Variants in THBS2 observed in about 807,000 individuals in gnomAD.
THBS2 encodes the protein thrombospondin 2.
A neutral mutation model predicts 135.2 loss-of-function variants in THBS2; 47 were observed. That is an observed-to-expected ratio of 0.35 (90% confidence interval 0.28 to 0.44). The LOEUF (loss-of-function observed/expected upper bound fraction) is 0.44, where lower values mean the gene tolerates loss of function less well. Among genes scored for constraint, THBS2 ranks in the 20% least tolerant of loss-of-function variants. The pLI is 1.00. For synonymous variants in THBS2, 639 were observed against 633.8 expected (o/e 1.01, Z -0.12); for missense variants, 1,288 against 1,603.1 (o/e 0.80, Z 3.36).
intron 5 of THBS2, 61 bp from the exon 6 acceptor site, chr6:169,240,653 C>G: frequency 1.3e-6 from 2 of 1,559,280 alleles, no homozygotes; most frequent in Non-Finnish European, 8.7e-7. Context: ...AGTCATCATG[C>G]TTGTGGATGA....
At chr6:169,228,401 A>G (rs1779716604) in intron 14 of THBS2, 120 bp from the exon 15 acceptor site, 1 of 1,309,998 alleles carries the variant, frequency 7.6e-7, no homozygotes, top group African/African-American at 1.5e-5. Context: ...TCAAACAAAC[A>G]CAAAAGCCAG....
At chr6:169,223,142 G>T in intron 18 of THBS2, 106 bp downstream of exon 18, 1 of 1,067,686 alleles carries the variant, frequency 9.4e-7, no homozygotes, top group Non-Finnish European at 1.3e-6. Context: ...CTTCCAGAAA[G>T]ACCACATGGC....
rs773256871 is a variant in THBS2 at position 169,248,902 on chromosome 6, C to T, written c.124G>A (p.Ala42Thr). ...GGGTCGGGCCCGCGGAACTGCTTGG[C>T]GCCAATGGTCTTGCGGTTGATGTTG... is the stretch of plus-strand genomic sequence containing the variant. ...ISNINRKTIG[A>T]KQFRGPDPGV... The change falls in exon 3 of 22, where the codon GCC becomes ACC. Residue 42 changes from alanine (A) to threonine (T), a missense_variant. Transcript: ENST00000617924. 1.9e-6 allele frequency: 3 copies of T among 1,613,544 alleles called. No individual in the cohort carries two copies. The highest frequency in any genetic ancestry group is 1.3e-5 in the African/African-American group (1 of 74,990).
At chr6:169,242,701 TTCCCACCACTCCCAC>T (rs1780372243) in intron 4 of THBS2, among the ~76,000 whole-genome samples, 1 of 107,362 alleles carries the variant, frequency 9.3e-6, no homozygotes, top group Admixed American at 9.1e-5. Context: ...TCTTCCCACC[TTCCCACCACTCCCAC>T]CTTCCCACCT....
Position 169,223,372 on chromosome 6 carries a change from G to T in THBS2, c.2877C>A (p.Phe959Leu), listed in dbSNP as rs1261640188. 1.9e-6 allele frequency: 3 copies of T among 1,614,102 alleles called. No individual in the cohort carries two copies. The highest frequency in any genetic ancestry group is 2.5e-6 in the Non-Finnish European group (3 of 1,180,052). ...PENNAISETD[F>L]RNFQMVPLDP... Reference sequence around the variant, plus strand: ...CCAAGGGGACCATCTGGAAGTTCCTGAAGTCTGTCTCACTGATGGCATTGT... The same window carrying T: ...CCAAGGGGACCATCTGGAAGTTCCTTAAGTCTGTCTCACTGATGGCATTGT... The change falls in exon 18 of 22, where the codon TTC becomes TTA. Residue 959 changes from phenylalanine to leucine, a missense_variant. Around this residue, in one of 2 missense-constraint regions of THBS2, gnomAD observed 874 missense variants for 1,156.1 expected, o/e 0.76. Transcript: ENST00000617924.
At chr6:169,246,760 T>C (rs565360047) in intron 3 of THBS2, among the ~76,000 whole-genome samples, 3 of 152,350 alleles carry the variant, frequency 2.0e-5, no homozygotes, top group Admixed American at 2.0e-4. Context: ...GGGCCAGTCC[T>C]ATATGGTATG....
intron 16 of THBS2, 94 bp downstream of exon 16, chr6:169,226,085 CA>C: frequency 7.3e-7 from 1 of 1,378,346 alleles, no homozygotes; most frequent in Middle Eastern, 2.4e-4. Context: ...GGTTGTGCAC[CA>C]GGGGCAGTTG....
chr6:169,230,399 G>T (rs1779791203), intron 13 of THBS2, among the ~76,000 whole-genome samples: 1 of 152,200 alleles, frequency 6.6e-6, no homozygotes, highest in Admixed American at 6.5e-5. Context: ...ATCACTCGTT[G>T]AATCAGAAGA....
rs963515297 is a variant in THBS2, at chr6:169,226,090, G to T, written c.2538+90C>A. The stretch of plus-strand genomic sequence containing the variant: ...ATCTGGTCAGGGTTGTGCACCAGGG[G>T]CAGTTGTCACAGTGATCCCCCACAC... On this transcript the variant is annotated intron_variant, in intron 16 of 21. Transcript: ENST00000617924. 2.1e-6 allele frequency: 3 copies of T among 1,396,880 alleles called. No individual in the cohort carries two copies. The African/African-American group carries it at 4.3e-5, about 20-fold the overall frequency. The allele number at this position is 1,396,880 out of a possible 1,614,324, so 86.5% of individuals were successfully genotyped here. A position where few individuals can be genotyped will look rare whatever the true frequency, so the allele number is the denominator to read the frequency against.
Position 169,226,403 on chromosome 6 carries a change from C to T in THBS2, c.2420-105G>A. The stretch of plus-strand genomic sequence containing the variant: ...TATCACACGAAATTGCTTACAGCCA[C>T]ACTTCTATTTAATTATAATAAAAAG... On this transcript the variant is annotated intron_variant, in intron 15 of 21. Coordinates refer to ENST00000617924, the MANE Select transcript of THBS2 (RefSeq NM_003247.5). 7 of 734,052 alleles carry T rather than the reference C, an allele frequency of 9.5e-6. No individual in the cohort carries two copies. In the South Asian group the frequency reaches 1.1e-4, roughly 12 times the overall value. 45.5% of individuals were successfully genotyped at this position (734,052 alleles called of 1,614,324 possible).
chr6:169,248,408 A>G lies in THBS2; in HGVS notation c.609+9T>C, dbSNP rs761244112. On this transcript the variant is annotated intron_variant, in intron 3 of 21. Coordinates refer to ENST00000617924, the MANE Select transcript of THBS2 (RefSeq NM_003247.5). ...TCCCTCACGGCGGCCACCTCCCTGC[A>G]GAGCGTACCCTGAAGTGACTCTCTC... The G allele has an allele frequency of 1.3e-6, 2 of 1,593,090 alleles. No individual in the cohort carries two copies. Among genetic ancestry groups the G allele is most frequent in the Non-Finnish European group, 1.7e-6 (2 of 1,165,070 alleles).
Position 169,220,179 on chromosome 6 carries a change from C to T in THBS2, c.3511+19G>A, listed in dbSNP as rs116596445. The T allele has an allele frequency of 2.6e-3, 4,170 of 1,610,492 alleles. 77 individuals are homozygous for T. The African/African-American group carries it at 0.047, about 18-fold the overall frequency. On this transcript the variant is annotated intron_variant, in intron 21 of 21. Transcript: ENST00000617924. ...GGTGCCACATGCCTTCCCCACTAAC[C>T]TGAAGTGCTCACACTCACCTCTGCA...
chr6:169,234,783 C>T lies in THBS2; in HGVS notation c.1602G>A (p.Val534=), dbSNP rs756711469. Residue 534 remains valine (V), a synonymous_variant, in exon 10 of 22, where the codon GTG becomes GTA. Transcript: ENST00000617924. ...ACATCTGACGCTCCTGCACATCCCC[C>T]ACGCAGGCCTTCCCTCCGTACTGAG... ...PEPQYGGKAC[V]GDVQERQMCN... 2 of 1,608,536 alleles carry T rather than the reference C, an allele frequency of 1.2e-6. No homozygotes were observed. Among genetic ancestry groups the T allele is most frequent in the South Asian group, 2.2e-5 (2 of 90,406 alleles).
At chr6:169,245,946 A>C (rs1055203529) in intron 4 of THBS2, 3 of 351,662 alleles carry the variant, frequency 8.5e-6, no homozygotes, top group Admixed American at 4.2e-5. Context: ...TTTGTCTTCT[A>C]TAATAAAATT....
chr6:169,239,402 G>T, intron 7 of THBS2, 197 bp downstream of exon 7: 1 of 592,286 alleles, frequency 1.7e-6, no homozygotes, highest in African/African-American at 1.9e-5. Flanking sequence ...CGTTCCCAGG[G>T]CTTCCACACT....
In THBS2 at chr6:169,232,164, G is replaced by A; in HGVS notation, c.1967C>T (p.Thr656Ile). The change falls in exon 13 of 22, where the codon ACA becomes ATA. Residue 656 changes from threonine to isoleucine, a missense_variant. Coordinates refer to ENST00000617924, the MANE Select transcript of THBS2 (RefSeq NM_003247.5). ...CEPENPCKDK[T>I]HNCHKHAECI... ...CTCCGCGTGCTTGTGGCAGTTGTGT[G>A]TCTTGTCCTTGCATGGGTTTTCGGG... 2 of 1,614,028 alleles carry A rather than the reference G, an allele frequency of 1.2e-6. No individual in the cohort carries two copies. Among genetic ancestry groups the A allele is most frequent in the Non-Finnish European group, 1.7e-6 (2 of 1,179,964 alleles).
chr6:169,223,825 G>T (rs1779520562), intron 17 of THBS2, among the ~76,000 whole-genome samples: 2 of 152,226 alleles, frequency 1.3e-5, no homozygotes, highest in African/African-American at 4.8e-5. Flanking sequence ...CCAGCTTTGT[G>T]TTTGGATAGT....
At chr6:169,251,108 A>G (rs1366142934) in intron 1 of THBS2, among the ~76,000 whole-genome samples, 1 of 152,156 alleles carries the variant, frequency 6.6e-6, no homozygotes, top group Non-Finnish European at 1.5e-5. Context: ...AATTGTCCTC[A>G]TTTTACAGAT....
At chr6:169,221,344 T>G in intron 20 of THBS2, 86 bp downstream of exon 20, 676 of 1,216,554 alleles carry the variant, frequency 5.6e-4, no homozygotes, top group Non-Finnish European at 7.4e-4. Context: ...AGAATTCACT[T>G]GAGCTTATTT....
Sources: allele counts gnomAD v4.1 joint callset (sites outside exome capture counted in the v4.1 genomes callset), GRCh38; gene constraint gnomAD v4.1.1; regional missense constraint gnomAD v4.1.1; transcripts MANE v1.5; gene names NCBI Gene and HGNC (gene_info 2026-07-23, HGNC 2026-07-21).